RNF213: variants seen among roughly 807,000 people sequenced by gnomAD.
RNF213 encodes the protein E3 ubiquitin-protein ligase RNF213.
RNF213 carries 341 observed loss-of-function variants against 514.4 expected under a neutral mutation model. That is an observed-to-expected ratio of 0.66 (90% CI 0.61 to 0.73). The LOEUF is 0.73. Among genes scored for constraint, RNF213 ranks in the 30% least tolerant of loss-of-function variants. The pLI, the probability that RNF213 is intolerant of heterozygous loss-of-function variation, is 0.00. For missense variants in RNF213, 5,767 were observed against 6,615.6 expected (o/e 0.87, Z 4.45); for synonymous variants, 2,655 against 2,658.2 (o/e 1.00, Z 0.04).
At chr17:80,337,464 C>A in intron 23 of RNF213, 122 bp from the exon 24 acceptor site, 1 of 1,334,712 alleles carries the variant, frequency 7.5e-7, no homozygotes. Flanking sequence ...CGTCCTGAGC[C>A]CTGGGGAAGC....
At chr17:80,361,987 G>A in intron 39 of RNF213, 99 bp downstream of exon 39, 1 of 1,400,036 alleles carries the variant, frequency 7.1e-7, no homozygotes, top group East Asian at 2.4e-5. Context: ...TGGAGCTGGT[G>A]CTGTGAAGTC....
rs1345777261 is a variant in RNF213, at chr17:80,385,658, G to A, written c.14539+37G>A. 3.2e-6 allele frequency: 5 copies of A among 1,562,550 alleles called. No homozygotes were observed. The South Asian group carries it at 5.6e-5, about 17-fold the overall frequency. ...GTCCCCTGTACCACTAAGCGTTCCA[G>A]GAGAGCCTCGTCTGAAAGCTCTTCT... On this transcript the variant is annotated intron_variant, in intron 61 of 67. Transcript: ENST00000582970.
rs769352860 is a variant in RNF213, at chr17:80,295,747, C to T, written c.1946C>T (p.Thr649Ile). 10 of 1,614,058 alleles carry T rather than the reference C, an allele frequency of 6.2e-6. No homozygotes were observed. The highest frequency in any genetic ancestry group is 8.5e-6 in the Non-Finnish European group (10 of 1,180,040). Residue 649 changes from threonine to isoleucine, a missense_variant, in exon 10 of 68, where the codon ACC becomes ATC. Thr to Ile is a moderately conservative substitution (Grantham distance 89). This residue lies in a region of RNF213 where 592 missense variants were observed against 673.9 expected (regional missense o/e 0.88). Coordinates refer to ENST00000582970, the MANE Select transcript of RNF213 (RefSeq NM_001256071.3). The part of the protein sequence containing the change: ...GSLDWLCHLL[T>I]SDASSPDEFH... ...CTGGACTGGTTGTGTCACCTCCTAA[C>T]CTCAGATGCCAGCTCACCAGATGAG...
At chr17:80,375,979 G>C (rs191412255) in intron 51 of RNF213, 109 bp downstream of exon 51, 1 of 902,068 alleles carries the variant, frequency 1.1e-6, no homozygotes, top group African/African-American at 1.6e-5. Flanking sequence ...TTTTATCTAG[G>C]ATAGAGGTTC....
chr17:80,296,966 A>G (rs1023430285), intron 10 of RNF213, among the ~76,000 whole-genome samples: 2 of 151,858 alleles, frequency 1.3e-5, no homozygotes, highest in African/African-American at 4.8e-5. Flanking sequence ...GACATGAGCC[A>G]CTGTGCCTGG....
rs757944852 is a variant in RNF213 at position 80,345,562 on chromosome 17, G to A, written c.7227G>A (p.Arg2409=). Residue 2409 remains arginine, a synonymous_variant, in exon 29 of 68, where the codon CGG becomes CGA. Coordinates refer to ENST00000582970, the MANE Select transcript of RNF213 (RefSeq NM_001256071.3). The surrounding 1 kb of genome is among the most constrained non-coding windows in gnomAD (Gnocchi z 6.0). ...TTAAAATCCTTGCCATCGAGATGCG[G>A]TTCCGGTGTGGGATCCCGGTTATCA... The part of the protein sequence containing the change: ...NMLKILAIEM[R]FRCGIPVIIM... The A allele has an allele frequency of 1.9e-6, 3 of 1,613,372 alleles. No homozygotes were observed.
intron 2 of RNF213, among the ~76,000 whole-genome samples, chr17:80,272,828 A>G (rs951419224): frequency 2.0e-5 from 3 of 151,954 alleles, no homozygotes; most frequent in African/African-American, 2.4e-5. Context: ...GCAGTTTGAG[A>G]CCCCTGGGCC....
rs752808343 is a variant in RNF213 at position 80,363,668 on chromosome 17, G to GC, written c.11631dup (p.Ser3878GlnfsTer23). On this transcript the variant is annotated frameshift_variant, in exon 41 of 68. Coordinates refer to ENST00000582970, the MANE Select transcript of RNF213 (RefSeq NM_001256071.3). LOFTEE classifies it high-confidence loss of function. ...AGATGCTGACAAGAAACACCCTGAA[G>GC]CCCAGTCCCCAGGCGTGGCTACAGT... 28 of 1,614,008 alleles carry GC rather than the reference G, an allele frequency of 1.7e-5. No homozygotes were observed. The highest frequency in any genetic ancestry group is 2.1e-5 in the Non-Finnish European group (25 of 1,180,040).
chr17:80,358,502 C>G (rs1271910566), intron 37 of RNF213, 23 bp downstream of exon 37: 1 of 1,602,694 alleles, frequency 6.2e-7, no homozygotes, highest in Non-Finnish European at 8.5e-7. Context: ...CTTTCTTTCC[C>G]TGGGGAGAGA....
chr17:80,292,994 T>A (rs1598938968), intron 8 of RNF213, among the ~76,000 whole-genome samples: 2 of 152,204 alleles, frequency 1.3e-5, no homozygotes, highest in African/African-American at 4.8e-5. Context: ...TCACTCCACC[T>A]TGGACAAAGA....
intron 13 of RNF213, among the ~76,000 whole-genome samples, chr17:80,308,540 C>T (rs922381837): frequency 6.6e-6 from 1 of 152,010 alleles, no homozygotes; most frequent in African/African-American, 2.4e-5. Context: ...CCGAGTCCCT[C>T]CTAAGGCTCC....
rs1186798194 is a variant in RNF213 at position 80,344,965 on chromosome 17, A to G, written c.6630A>G (p.Pro2210=). 12 of 1,614,042 alleles carry G rather than the reference A, an allele frequency of 7.4e-6. No individual in the cohort carries two copies. The South Asian group carries it at 1.3e-4, about 18-fold the overall frequency. ...HFLFHCGVIN[P]SWSELRNFAR... ...TGTTTCACTGCGGGGTAATAAACCC[A>G]TCCTGGTCAGAGCTTCGGAACTTTG... The change falls in exon 29 of 68, where the codon CCA becomes CCG. Residue 2210 remains proline (P), a synonymous_variant. Coordinates refer to ENST00000582970, the MANE Select transcript of RNF213 (RefSeq NM_001256071.3).
At chr17:80,357,756 G>C (rs927962855) in intron 36 of RNF213, among the ~76,000 whole-genome samples, 1 of 152,186 alleles carries the variant, frequency 6.6e-6, no homozygotes, top group South Asian at 2.1e-4. Flanking sequence ...AGGATTACTT[G>C]TGCCCAGGAG....
At chr17:80,338,958 TAAA>T (rs60333843) in intron 25 of RNF213, among the ~76,000 whole-genome samples, 8 of 143,122 alleles carry the variant, frequency 5.6e-5, no homozygotes, top group South Asian at 2.2e-4. Context: ...AAAAAAAAAT[TAAA>T]AAAAAAAAAA....
chr17:80,273,034 CTTG>C (rs887170237), intron 2 of RNF213, among the ~76,000 whole-genome samples: 9 of 152,220 alleles, frequency 5.9e-5, no homozygotes, highest in South Asian at 2.1e-4. Context: ...TGATTCACCC[CTTG>C]TTGTGCTGAA....
intron 5 of RNF213, 114 bp from the exon 6 acceptor site, chr17:80,289,545 G>C (rs940004634): frequency 8.9e-7 from 1 of 1,126,348 alleles, no homozygotes; most frequent in Non-Finnish European, 1.3e-6. Flanking sequence ...AGCTGAGATC[G>C]CAGTACTGCA....
intron 65 of RNF213, 105 bp downstream of exon 65, chr17:80,389,472 A>T: frequency 1.0e-6 from 1 of 1,000,340 alleles, no homozygotes; most frequent in Admixed American, 2.0e-5. Flanking sequence ...GGCGCTCCTG[A>T]AAAGGATGGG....
At chr17:80,279,997 A>G (rs976634364) in intron 3 of RNF213, among the ~76,000 whole-genome samples, 8 of 151,912 alleles carry the variant, frequency 5.3e-5, no homozygotes, top group Admixed American at 5.2e-4. Context: ...GCCCATCGAG[A>G]TGGTCATGTG....
chr17:80,361,758 T>C lies in RNF213; in HGVS notation c.11225T>C (p.Ile3742Thr). 1.2e-6 allele frequency: 2 copies of C among 1,613,916 alleles called. No homozygotes were observed. ...GGACTGCCCAAGAAGTTCGTGGACA[T>C]CTTTCAGCAGACTCCTCTGGGCAGG... ...AEGLPKKFVD[I>T]FQQTPLGRFL... Residue 3742 changes from isoleucine to threonine, a missense_variant, in exon 39 of 68, where the codon ATC becomes ACC. Transcript: ENST00000582970.
Sources: allele counts gnomAD v4.1 joint callset (sites outside exome capture counted in the v4.1 genomes callset), GRCh38; gene constraint gnomAD v4.1.1; regional missense constraint gnomAD v4.1.1; non-coding constraint Gnocchi (gnomAD v3.1); transcripts MANE v1.5; gene names NCBI Gene and HGNC (gene_info 2026-07-23, HGNC 2026-07-21).